Variants in MYO16 observed in about 807,000 individuals in gnomAD.
The protein encoded by MYO16 is myosin XVI.
Under a neutral mutation model 205.3 loss-of-function variants are expected in MYO16, and 94 were observed. The observed-to-expected ratio is 0.46, with a 90% CI of 0.39 to 0.54. The LOEUF is 0.54. Among genes scored for constraint, MYO16 ranks in the 20% least tolerant of loss-of-function variants. The probability of loss-of-function intolerance (pLI) is 0.00; values close to 1 mark genes in which losing one functional copy is unlikely to be tolerated. For synonymous variants in MYO16, 988 were observed against 954.0 expected (o/e 1.04, Z -0.66); for missense variants, 2,315 against 2,387.5 (o/e 0.97, Z 0.63).
At chr13:108,907,417 A>G (rs528682862) in intron 15 of MYO16, among the ~76,000 whole-genome samples, 1 of 152,332 alleles carries the variant, frequency 6.6e-6, no homozygotes, top group East Asian at 1.9e-4. Flanking sequence ...TTGAGAAGTC[A>G]GGAGCTCAGT....
the MYO16 span, among the ~76,000 whole-genome samples, chr13:108,566,816 AC>A: frequency 6.6e-6 from 1 of 151,946 alleles, no homozygotes; most frequent in South Asian, 2.1e-4. Flanking sequence ...TGGGTGTTTA[AC>A]TTTTGATAAG....
intron 4 of MYO16, among the ~76,000 whole-genome samples, chr13:108,737,870 T>C (rs1364941450): frequency 2.0e-5 from 3 of 152,172 alleles, no homozygotes; most frequent in African/African-American, 4.8e-5. Context: ...TTTGGGAGAG[T>C]GTATGTGTCC....
At chr13:108,652,151 GTGTGCGCGCGCGCGCA>G (rs1316926943) in intron 1 of MYO16, among the ~76,000 whole-genome samples, 6 of 147,328 alleles carry the variant, frequency 4.1e-5, no homozygotes, top group Admixed American at 6.8e-5. Flanking sequence ...ATGTGTGTGT[GTGTGCGCGCGCGCGCA>G]TGTGTGCGCG....
chr13:108,998,717 A>T (rs541350402), intron 21 of MYO16, among the ~76,000 whole-genome samples: 1 of 152,296 alleles, frequency 6.6e-6, no homozygotes, highest in East Asian at 1.9e-4. Flanking sequence ...GGCCAATGCC[A>T]TGTGAAGCTT....
intron 15 of MYO16, among the ~76,000 whole-genome samples, chr13:108,898,558 C>T (rs1469339226): frequency 1.3e-5 from 2 of 152,140 alleles, no homozygotes; most frequent in Non-Finnish European, 2.9e-5. Flanking sequence ...TAGAAACAAA[C>T]TCAAATACTT....
At chr13:108,976,422 T>C (rs2139404000) in intron 20 of MYO16, among the ~76,000 whole-genome samples, 1 of 152,276 alleles carries the variant, frequency 6.6e-6, no homozygotes, top group Middle Eastern at 3.4e-3. Context: ...GATAAATGAA[T>C]CTGATTAAAA....
chr13:109,054,552 A>G (rs897402812), intron 25 of MYO16, among the ~76,000 whole-genome samples: 3 of 152,100 alleles, frequency 2.0e-5, no homozygotes, highest in Admixed American at 1.3e-4. Flanking sequence ...CCAGGATATG[A>G]TCGTGAGTTT....
chr13:108,904,034 G>A (rs1880843021), intron 15 of MYO16, among the ~76,000 whole-genome samples: 1 of 152,138 alleles, frequency 6.6e-6, no homozygotes. Context: ...GATAGGTGCT[G>A]TTACTTTCAT....
chr13:108,629,911 C>G (rs1345290476), intron 1 of MYO16, 39 bp downstream of exon 1: 1 of 1,501,830 alleles, frequency 6.7e-7, no homozygotes, highest in Non-Finnish European at 8.9e-7. Flanking sequence ...GGTTATTTGT[C>G]TTGTTGAAGT....
intron 31 of MYO16, among the ~76,000 whole-genome samples, chr13:109,139,070 T>A (rs938037923): frequency 6.6e-6 from 1 of 152,166 alleles, no homozygotes; most frequent in Non-Finnish European, 1.5e-5. Flanking sequence ...TCTGCCCACC[T>A]CAGCCTCCCA....
chr13:108,956,289 C>A (rs1475153998), intron 16 of MYO16, among the ~76,000 whole-genome samples: 1 of 152,120 alleles, frequency 6.6e-6, no homozygotes, highest in African/African-American at 2.4e-5. Context: ...GCCCAGTTCA[C>A]CCCCTTGTAC....
intron 16 of MYO16, among the ~76,000 whole-genome samples, chr13:108,938,446 C>T (rs1472034418): frequency 6.6e-6 from 1 of 152,250 alleles, no homozygotes; most frequent in Non-Finnish European, 1.5e-5. Flanking sequence ...CAGGTCCCCT[C>T]TTGGCAGGCA....
chr13:109,010,655 A>G (rs1018260572), intron 22 of MYO16, among the ~76,000 whole-genome samples: 1 of 152,068 alleles, frequency 6.6e-6, no homozygotes, highest in Non-Finnish European at 1.5e-5. Flanking sequence ...AGACTTGCAG[A>G]CAACCTTGCA....
chr13:108,909,922 G>T, intron 15 of MYO16, 81 bp from the exon 16 acceptor site: 1 of 1,392,970 alleles, frequency 7.2e-7, no homozygotes, highest in Non-Finnish European at 9.9e-7. Context: ...TGTATCTCTT[G>T]TAATTAATTA....
chr13:109,170,217 A>G (rs538270295), intron 33 of MYO16, among the ~76,000 whole-genome samples: 2 of 152,328 alleles, frequency 1.3e-5, no homozygotes, highest in East Asian at 3.9e-4. Context: ...TAAATTAAAA[A>G]CAAAAGACAG....
chr13:108,732,507 A>C (rs1158449072), intron 4 of MYO16, among the ~76,000 whole-genome samples: 1 of 152,204 alleles, frequency 6.6e-6, no homozygotes, highest in Non-Finnish European at 1.5e-5. Context: ...GACGGTACAT[A>C]GAAAGCTATG....
At chr13:109,043,936 A>T (rs149597748) in intron 23 of MYO16, among the ~76,000 whole-genome samples, 52 of 152,306 alleles carry the variant, frequency 3.4e-4, no homozygotes, top group African/African-American at 1.2e-3. Flanking sequence ...GCTTGAAAAG[A>T]GGCAAAAAGA....
intron 12 of MYO16, among the ~76,000 whole-genome samples, chr13:108,871,572 C>T (rs1879067254): frequency 6.6e-6 from 1 of 152,068 alleles, no homozygotes; most frequent in Non-Finnish European, 1.5e-5. Flanking sequence ...TTTTTATTTG[C>T]TCCCTTCAAA....
At position 109,140,107 on chromosome 13, in the gene MYO16, TCAGC is replaced by T. The variant is rs1303414104; in HGVS notation, c.4052-153_4052-150del. Reference sequence around the variant, plus strand: ...TGGGGGTGGTCTCAGGAGTTCGGGTTCAGCCAGGGAGCCTAGTGGGTGGAGGAAC... The same window carrying T: ...TGGGGGTGGTCTCAGGAGTTCGGGTTCAGGGAGCCTAGTGGGTGGAGGAAC... On this transcript the variant is annotated intron_variant, in intron 31 of 34. Transcript: ENST00000457511. This position sits in a 1 kb window ranked among gnomAD's most constrained non-coding sequence, Gnocchi z 8.0. Among the ~76,000 whole-genome samples, 5 of 152,038 alleles carry T rather than the reference TCAGC, an allele frequency of 3.3e-5. No individual in the cohort carries two copies. The highest frequency in any genetic ancestry group is 1.2e-4 in the African/African-American group (5 of 41,494).
Sources: gnomAD v4.1 joint callset for allele counts (sites outside exome capture counted in the v4.1 genomes callset) on GRCh38, gnomAD v4.1.1 for gene constraint, Gnocchi (gnomAD v3.1) non-coding constraint, MANE v1.5 for transcripts, NCBI Gene and HGNC (gene_info 2026-07-23, HGNC 2026-07-21) for gene names.